DTNBP1: variants seen among roughly 807,000 people sequenced by gnomAD.
DTNBP1 encodes dystrobrevin binding protein 1.
A neutral mutation model predicts 42.8 loss-of-function variants in DTNBP1; 35 were observed. The ratio of observed to expected loss-of-function variants is 0.82; its 90% confidence interval spans 0.63 to 1.09. The LOEUF (loss-of-function observed/expected upper bound fraction) is 1.09, where lower values mean the gene tolerates loss of function less well. DTNBP1 is among the 50% of genes least tolerant of loss of function. DTNBP1 has a pLI of 0.00. For missense variants in DTNBP1, 457 were observed against 424.2 expected (o/e 1.08, Z -0.68); for synonymous variants, 171 against 162.2 (o/e 1.05, Z -0.41).
intron 7 of DTNBP1, chr6:15,585,795 A>C (rs1425422987): frequency 2.0e-6 from 3 of 1,520,996 alleles, no homozygotes; most frequent in Non-Finnish European, 2.6e-6. Context: ...ACAGAAGCTC[A>C]GTGCTGGTCA....
intron 4 of DTNBP1, among the ~76,000 whole-genome samples, chr6:15,630,345 G>A (rs1274011395): frequency 1.3e-5 from 2 of 152,154 alleles, no homozygotes; most frequent in African/African-American, 2.4e-5. Flanking sequence ...GTGCAGCAAG[G>A]AGCAGAAACC....
At chr6:15,662,549 C>A (rs146173212) in intron 1 of DTNBP1, among the ~76,000 whole-genome samples, 386 of 152,350 alleles carry the variant, frequency 2.5e-3, no homozygotes, top group African/African-American at 8.9e-3. Flanking sequence ...GTCCCACACC[C>A]CCCCCGGGCG....
intron 1 of DTNBP1, among the ~76,000 whole-genome samples, chr6:15,662,549 C>G (rs146173212): frequency 1.1e-3 from 160 of 152,350 alleles, no homozygotes; most frequent in Non-Finnish European, 2.0e-3. Flanking sequence ...GTCCCACACC[C>G]CCCCCGGGCG....
rs140131174 is a variant in DTNBP1 at position 15,524,569 on chromosome 6, C to A, written c.768G>T (p.Leu256=). The change falls in exon 9 of 10, where the codon CTG becomes CTT. Residue 256 remains leucine, a synonymous_variant. Transcript: ENST00000344537. ...ISDQEALDVF[L]NSGGEENTVL... The stretch of plus-strand genomic sequence containing the variant: ...CAGTGTTCTCTTCTCCTCCAGAGTT[C>A]AGGAAGACGTCCAGGGCCTCCTGGT... The A allele has an allele frequency of 3.6e-4, 585 of 1,611,456 alleles. 2 individuals carry two copies. Among genetic ancestry groups the A allele is most frequent in the Non-Finnish European group, 2.2e-4 (255 of 1,178,584 alleles).
intron 7 of DTNBP1, among the ~76,000 whole-genome samples, chr6:15,551,788 G>A (rs902036498): frequency 6.6e-6 from 1 of 152,210 alleles, no homozygotes; most frequent in African/African-American, 2.4e-5. Flanking sequence ...TCTGATGAAG[G>A]TACTGGTAGC....
chr6:15,644,332 A>G (rs1303580874), intron 3 of DTNBP1, among the ~76,000 whole-genome samples: 1 of 152,172 alleles, frequency 6.6e-6, no homozygotes, highest in Non-Finnish European at 1.5e-5. Context: ...GCCATAAAAT[A>G]ACAGTGGGGG....
intron 7 of DTNBP1, among the ~76,000 whole-genome samples, chr6:15,567,034 A>G (rs1213646030): frequency 6.6e-6 from 1 of 151,830 alleles, no homozygotes; most frequent in African/African-American, 2.4e-5. Flanking sequence ...CCCCTTCCAG[A>G]CCCTCCCAAT....
chr6:15,549,568 G>A (rs1203210944), intron 7 of DTNBP1, among the ~76,000 whole-genome samples: 2 of 151,202 alleles, frequency 1.3e-5, no homozygotes, highest in Non-Finnish European at 2.9e-5. Flanking sequence ...GGTGGCAGGT[G>A]CAGTGGACGT....
chr6:15,524,006 C>T (rs558659485), intron 9 of DTNBP1: 184 of 1,288,436 alleles, frequency 1.4e-4, no homozygotes, highest in Non-Finnish European at 1.8e-4. Flanking sequence ...CACCTCAGCC[C>T]ATATTTGCTG....
At chr6:15,530,549 G>A (rs373449545) in intron 8 of DTNBP1, among the ~76,000 whole-genome samples, 2 of 152,132 alleles carry the variant, frequency 1.3e-5, no homozygotes, top group Non-Finnish European at 2.9e-5. Flanking sequence ...CTGCCAGCCC[G>A]CTGACTTGCT....
At chr6:15,595,985 G>A (rs1776500706) in intron 6 of DTNBP1, among the ~76,000 whole-genome samples, 1 of 152,188 alleles carries the variant, frequency 6.6e-6, no homozygotes, top group African/African-American at 2.4e-5. Context: ...AGCTGTGATG[G>A]ATGGATATAC....
intron 7 of DTNBP1, among the ~76,000 whole-genome samples, chr6:15,539,063 A>C (rs895133674): frequency 6.6e-6 from 1 of 152,216 alleles, no homozygotes; most frequent in African/African-American, 2.4e-5. Flanking sequence ...GGCAGACCTT[A>C]AAACCCAGTG....
At chr6:15,633,619 A>T (rs1215857596) in intron 4 of DTNBP1, among the ~76,000 whole-genome samples, 1 of 152,210 alleles carries the variant, frequency 6.6e-6, no homozygotes, top group Non-Finnish European at 1.5e-5. Flanking sequence ...ATTTTGAAAG[A>T]AGTTCTACTA....
At chr6:15,635,990 T>C (rs1402489027) in intron 4 of DTNBP1, among the ~76,000 whole-genome samples, 4 of 152,198 alleles carry the variant, frequency 2.6e-5, no homozygotes, top group African/African-American at 7.2e-5. Context: ...ACTTTGGTTC[T>C]GGTGACTCAA....
chr6:15,548,191 T>G (rs1212424181), intron 7 of DTNBP1: 2 of 152,234 alleles, frequency 1.3e-5, no homozygotes, highest in Non-Finnish European at 2.9e-5. Flanking sequence ...CTTTGAAAAT[T>G]GGTCATCTTT....
intron 7 of DTNBP1, among the ~76,000 whole-genome samples, chr6:15,560,523 CT>C (rs562994205): frequency 2.0e-5 from 3 of 152,242 alleles, no homozygotes; most frequent in Admixed American, 6.5e-5. Flanking sequence ...AATCTGTTTT[CT>C]TTTGTAACAG....
At chr6:15,633,015 C>T (rs917498597) in intron 4 of DTNBP1, among the ~76,000 whole-genome samples, 6 of 152,110 alleles carry the variant, frequency 3.9e-5, no homozygotes, top group African/African-American at 4.8e-5. Flanking sequence ...AGTAGATTCT[C>T]GAATTGCATT....
intron 6 of DTNBP1, among the ~76,000 whole-genome samples, chr6:15,604,866 A>T (rs187895298): frequency 7.2e-5 from 11 of 152,314 alleles, no homozygotes; most frequent in African/African-American, 2.6e-4. Context: ...ATAAGCACTA[A>T]ATCTCATCAG....
rs1399128898 is a variant in DTNBP1, at chr6:15,609,194, T to C, written c.488+6073A>G. 4.6e-5 allele frequency among the ~76,000 whole-genome samples: 7 copies of C among 151,912 alleles called. No individual in the cohort carries two copies. The East Asian group carries it at 1.3e-3, about 29-fold the overall frequency. On this transcript the variant is annotated intron_variant, in intron 6 of 9. Coordinates refer to ENST00000344537, the MANE Select transcript of DTNBP1 (RefSeq NM_032122.5). The stretch of plus-strand genomic sequence containing the variant: ...TTTTTTTTTTTTTAATACTTTTAAG[T>C]TATAGGGTGCATGTGCTTCTAAAAG...
Sources: gnomAD v4.1 joint callset for allele counts (sites outside exome capture counted in the v4.1 genomes callset) on GRCh38, gnomAD v4.1.1 for gene constraint, MANE v1.5 for transcripts, NCBI Gene and HGNC (gene_info 2026-07-23, HGNC 2026-07-21) for gene names.